The following KHDRBS1 variants were observed in gnomAD, a reference collection of about 807,000 sequenced individuals.
The protein encoded by KHDRBS1 is KH RNA binding domain containing, signal transduction associated 1, also known as KH domain-containing, RNA-binding, signal transduction-associated protein 1.
Under a neutral mutation model 48.4 loss-of-function variants are expected in KHDRBS1, and 7 were observed. That is an observed-to-expected ratio of 0.14 (90% CI 0.08 to 0.27). KHDRBS1 has a LOEUF of 0.27. Among genes scored for constraint, KHDRBS1 ranks in the 10% least tolerant of loss-of-function variants. The pLI, the probability that KHDRBS1 is intolerant of heterozygous loss-of-function variation, is 1.00. For synonymous variants in KHDRBS1, 241 were observed against 235.8 expected (o/e 1.02, Z -0.20); for missense variants, 458 against 601.2 (o/e 0.76, Z 2.49).
intron 10 of KHDRBS1, among the ~76,000 whole-genome samples, chr1:32,050,298 T>C (rs1304519226): frequency 6.6e-6 from 1 of 152,246 alleles, no homozygotes; most frequent in East Asian, 1.9e-4. Flanking sequence ...GCTAAACTCT[T>C]GTCAGATGTA....
chr1:32,037,733 G>C, intron 5 of KHDRBS1, 102 bp from the exon 6 acceptor site: 2 of 1,263,136 alleles, frequency 1.6e-6, no homozygotes, highest in Admixed American at 3.5e-5. Flanking sequence ...CCTAGTTAAG[G>C]CTTCATAAAA....
In KHDRBS1 at chr1:32,039,577, T is replaced by C. The variant is rs1316363484; in HGVS notation, c.1234+4T>C. The C allele has an allele frequency of 2.8e-6, 4 of 1,425,358 alleles. No individual in the cohort carries two copies. Among genetic ancestry groups the C allele is most frequent in the South Asian group, 2.3e-5 (2 of 87,218 alleles). 88.3% of individuals were successfully genotyped at this position (1,425,358 alleles called of 1,614,324 possible). ...CAAGATTCTTATGAAGCTTATGGTA[T>C]GTCTTTATCTCTGTGGTGGGGCAGA... On this transcript the variant is annotated splice_donor_region_variant and intron_variant, in intron 8 of 8. Transcript: ENST00000327300.
intron 2 of KHDRBS1, among the ~76,000 whole-genome samples, chr1:32,030,633 C>T (rs60671266): frequency 0.015 from 2,227 of 152,118 alleles, 43 homozygotes; most frequent in African/African-American, 0.05. Context: ...ATATAATCAT[C>T]TTTTTATTAT....
chr1:32,017,205 C>T (rs1417028628), intron 1 of KHDRBS1, among the ~76,000 whole-genome samples: 1 of 151,858 alleles, frequency 6.6e-6, no homozygotes, highest in Admixed American at 6.6e-5. Flanking sequence ...TTACAGTGAG[C>T]CCAGATTGCA....
rs1639193875 is a variant in KHDRBS1 at position 32,036,837 on chromosome 1, T to G, written c.772-73T>G. 4.1e-6 allele frequency: 6 copies of G among 1,472,036 alleles called. No homozygotes were observed. The East Asian group carries it at 1.2e-4, about 30-fold the overall frequency. The allele number at this position is 1,472,036 out of a possible 1,614,324, so 91.2% of individuals were successfully genotyped here. A position where few individuals can be genotyped will look rare whatever the true frequency, so the allele number is the denominator to read the frequency against. On this transcript the variant is annotated intron_variant, in intron 4 of 8. Coordinates refer to ENST00000327300, the MANE Select transcript of KHDRBS1 (RefSeq NM_006559.3). Reference sequence around the variant, plus strand: ...AAGAGCTCTTCTTAGAATTCAAGTCTCCCGTGGACCAGATGATTTCTCAGT... The same window carrying G: ...AAGAGCTCTTCTTAGAATTCAAGTCGCCCGTGGACCAGATGATTTCTCAGT...
At chr1:32,023,410 T>C (rs1012037756) in intron 1 of KHDRBS1, among the ~76,000 whole-genome samples, 4 of 152,196 alleles carry the variant, frequency 2.6e-5, no homozygotes, top group African/African-American at 9.6e-5. Context: ...ATGAAGATAA[T>C]ACTGGTTACA....
downstream of KHDRBS1, chr1:32,045,188 A>G (rs1342338619): frequency 6.6e-6 from 1 of 152,624 alleles, no homozygotes; most frequent in African/African-American, 2.4e-5. Flanking sequence ...GATATTCACA[A>G]TGAAACTTTA....
chr1:32,042,435 G>A (rs1639297188), intron 8 of KHDRBS1, 92 bp from the exon 9 acceptor site: 2 of 785,794 alleles, frequency 2.5e-6, no homozygotes, highest in Non-Finnish European at 2.2e-6. Flanking sequence ...GAAACTCAGT[G>A]TTTTTGGTGA....
At chr1:32,018,908 T>C (rs1638798851) in intron 1 of KHDRBS1, among the ~76,000 whole-genome samples, 1 of 151,846 alleles carries the variant, frequency 6.6e-6, no homozygotes, top group South Asian at 2.1e-4. Context: ...CTGTCTCTAC[T>C]AAAAATACAA....
At chr1:32,030,503 G>C (rs1252678782) in intron 2 of KHDRBS1, 81 bp downstream of exon 2, 1 of 1,209,636 alleles carries the variant, frequency 8.3e-7, no homozygotes, top group Non-Finnish European at 1.1e-6. Flanking sequence ...GACTCCTGGG[G>C]ATTGTGATGC....
intron 10 of KHDRBS1, among the ~76,000 whole-genome samples, chr1:32,058,092 T>G (rs999392908): frequency 2.7e-5 from 4 of 150,168 alleles, no homozygotes; most frequent in African/African-American, 9.8e-5. Flanking sequence ...TACTCCAGAC[T>G]GGGCAATAAG....
rs16834857 is a variant in KHDRBS1 at position 32,059,275 on chromosome 1, C to T, written n.1302-888C>T. On this transcript the variant is annotated intron_variant and non_coding_transcript_variant, in intron 10 of 10. Coordinates refer to the KHDRBS1 transcript ENST00000484270. ...GAGATGGTAGCGCCATTTAAAAGAT[C>T]GGAAGCACTGGCCAGGCATGGTGGC... Among the ~76,000 whole-genome samples, 766 of 151,374 alleles carry T rather than the reference C, an allele frequency of 5.1e-3. 6 individuals are homozygous for T. The highest frequency in any genetic ancestry group is 0.018 in the African/African-American group (740 of 41,202).
At chr1:32,023,043 TCTTA>T (rs1638893154) in intron 1 of KHDRBS1, among the ~76,000 whole-genome samples, 1 of 152,202 alleles carries the variant, frequency 6.6e-6, no homozygotes, top group African/African-American at 2.4e-5. Context: ...TCTCTTTTTT[TCTTA>T]CTATTTTTCT....
At position 32,014,425 on chromosome 1, in the gene KHDRBS1, A is replaced by G. The variant is rs768198557; in HGVS notation, c.382+48A>G. On this transcript the variant is annotated intron_variant, in intron 1 of 8. Transcript: ENST00000327300. ...TCTGGGTCGCCCGGCCATCCCGGGC[A>G]TGAGTGGCCCTGGCTTTGTTCCTCT... 4.7e-6 allele frequency: 6 copies of G among 1,290,304 alleles called. No homozygotes were observed. In the South Asian group the frequency reaches 1.3e-4, roughly 28 times the overall value. The allele number at this position is 1,290,304 out of a possible 1,614,324, so 79.9% of individuals were successfully genotyped here. A position where few individuals can be genotyped will look rare whatever the true frequency, so the allele number is the denominator to read the frequency against.
intron 3 of KHDRBS1, among the ~76,000 whole-genome samples, 196 bp downstream of exon 3, chr1:32,031,836 G>C (rs571581338): frequency 7.9e-5 from 12 of 152,296 alleles, no homozygotes; most frequent in African/African-American, 2.9e-4. Context: ...GCCTAGGTGT[G>C]CCCTGGTGAT....
intron 1 of KHDRBS1, among the ~76,000 whole-genome samples, chr1:32,023,244 A>G (rs1015315007): frequency 4.6e-5 from 7 of 152,194 alleles, no homozygotes; most frequent in African/African-American, 1.2e-4. Flanking sequence ...GTTAAGTTAT[A>G]GTAAAAGATG....
At chr1:32,053,075 C>T (rs1639443000) in intron 10 of KHDRBS1, among the ~76,000 whole-genome samples, 2 of 152,118 alleles carry the variant, frequency 1.3e-5, no homozygotes, top group Non-Finnish European at 2.9e-5. Flanking sequence ...ATCTCTTGAG[C>T]CCAGGAGGTC....
chr1:32,040,583 C>G (rs964497697), intron 8 of KHDRBS1, among the ~76,000 whole-genome samples: 1 of 152,212 alleles, frequency 6.6e-6, no homozygotes, highest in Non-Finnish European at 1.5e-5. Flanking sequence ...GCTGCCTTCC[C>G]TGAGGTTTGG....
At chr1:32,046,886 A>G (rs903897112), downstream of KHDRBS1, among the ~76,000 whole-genome samples, 12 of 152,190 alleles carry the variant, frequency 7.9e-5, no homozygotes, top group African/African-American at 2.7e-4. Flanking sequence ...GGCAAGTCCT[A>G]CGTTTGATGT....
Sources: allele counts gnomAD v4.1 joint callset (sites outside exome capture counted in the v4.1 genomes callset), GRCh38; gene constraint gnomAD v4.1.1; transcripts MANE v1.5; gene names NCBI Gene and HGNC (gene_info 2026-07-23, HGNC 2026-07-21).